PLXDC2: variants seen among roughly 807,000 people sequenced by gnomAD.
The protein encoded by PLXDC2 is plexin domain containing 2.
Under a neutral mutation model 68.9 loss-of-function variants are expected in PLXDC2, and 40 were observed. The observed-to-expected ratio is 0.58, with a 90% confidence interval of 0.45 to 0.76. The LOEUF is 0.76. Among genes scored for constraint, PLXDC2 ranks in the 30% least tolerant of loss-of-function variants. PLXDC2 has a pLI of 0.00. For missense variants in PLXDC2, 644 were observed against 661.9 expected, an observed-to-expected ratio of 0.97 and a Z score of 0.30; for synonymous variants, 243 against 234.2, an observed-to-expected ratio of 1.04 and a Z score of -0.34.
intron 12 of PLXDC2, among the ~76,000 whole-genome samples, chr10:20,227,702 C>A (rs765494131): frequency 2.0e-5 from 3 of 151,996 alleles, no homozygotes; most frequent in Non-Finnish European, 2.9e-5. Flanking sequence ...ATCTTGGGAA[C>A]CGTTTGTGTC....
At chr10:20,232,399 C>T (rs566855911) in intron 12 of PLXDC2, among the ~76,000 whole-genome samples, 23 of 152,166 alleles carry the variant, frequency 1.5e-4, no homozygotes, top group South Asian at 2.1e-4. Flanking sequence ...CACACACACA[C>T]GCACACACAG....
Position 20,028,045 on chromosome 10 carries a change from T to C in PLXDC2, c.325-18824T>C, listed in dbSNP as rs571498665. On this transcript the variant is annotated intron_variant, in intron 2 of 13. Transcript: ENST00000377252. ...GAAATTCTTACATTTTGATCACTCT[T>C]TAAGGATAAATTGAAATACTTTATA... Among the ~76,000 whole-genome samples, 15 of 152,350 alleles carry C rather than the reference T, an allele frequency of 9.8e-5. No homozygotes were observed. The South Asian group carries it at 3.1e-3, about 32-fold the overall frequency.
Position 19,974,922 on chromosome 10 carries a change from C to T in PLXDC2, c.113-26853C>T, listed in dbSNP as rs897439548. Among the ~76,000 whole-genome samples the T allele has an allele frequency of 3.9e-5, 6 of 152,242 alleles. No individual in the cohort carries two copies. The East Asian group carries it at 1.2e-3, about 29-fold the overall frequency. ...GACCCAGGAAAAGGTCATCTTCTGA[C>T]CTTCATAATGAAAATGAGTGTGTTA... On this transcript the variant is annotated intron_variant, in intron 1 of 13. Coordinates refer to ENST00000377252, the MANE Select transcript of PLXDC2 (RefSeq NM_032812.9).
rs143637235 is a variant in PLXDC2, at chr10:19,950,189, T to G, written c.113-51586T>G. On this transcript the variant is annotated intron_variant, in intron 1 of 13. Coordinates refer to ENST00000377252, the MANE Select transcript of PLXDC2 (RefSeq NM_032812.9). ...TGAGAAATCAGGCAAGAGAAAGAAA[T>G]AAAAGGCATCCAAGTAGAAAAAGAA... Among the ~76,000 whole-genome samples the G allele has an allele frequency of 8.2e-3, 1,249 of 152,200 alleles. 22 individuals are homozygous for G. The highest frequency in any genetic ancestry group is 0.029 in the African/African-American group (1,185 of 41,528).
chr10:19,947,802 A>G (rs12217898), intron 1 of PLXDC2, among the ~76,000 whole-genome samples: 66,871 of 149,140 alleles, frequency 0.45, 15,702 homozygotes, highest in South Asian at 0.59. Context: ...TACTGTCATG[A>G]CTAATATTAA....
intron 4 of PLXDC2, among the ~76,000 whole-genome samples, chr10:20,134,029 T>A (rs754879186): frequency 4.6e-5 from 7 of 152,242 alleles, no homozygotes; most frequent in Non-Finnish European, 7.3e-5. Flanking sequence ...AGTTAATGTT[T>A]TCTTCAGTTC....
chr10:20,030,820 C>A (rs1835490723), intron 2 of PLXDC2, among the ~76,000 whole-genome samples: 1 of 152,158 alleles, frequency 6.6e-6, no homozygotes, highest in African/African-American at 2.4e-5. Context: ...TGTTTGACCC[C>A]TTATCAGCCA....
chr10:20,027,751 T>C lies in PLXDC2; in HGVS notation c.325-19118T>C, dbSNP rs1835427915. 1.3e-5 allele frequency among the ~76,000 whole-genome samples: 2 copies of C among 150,022 alleles called. 1 individual carries two copies. The highest frequency in any genetic ancestry group is 3.0e-5 in the Non-Finnish European group (2 of 67,724). On this transcript the variant is annotated intron_variant, in intron 2 of 13. Transcript: ENST00000377252. ...AATCAATGCAGCAGAAACCACAATA[T>C]GAAGATTCCATATTTATATTTGGAA...
chr10:19,966,673 C>T (rs1834268888), intron 1 of PLXDC2, among the ~76,000 whole-genome samples: 1 of 152,052 alleles, frequency 6.6e-6, no homozygotes, highest in Non-Finnish European at 1.5e-5. Flanking sequence ...TTTTCCTTCC[C>T]TTCACCTTCC....
At chr10:20,181,618 G>A (rs998797234) in intron 9 of PLXDC2, among the ~76,000 whole-genome samples, 14 of 152,084 alleles carry the variant, frequency 9.2e-5, no homozygotes, top group Non-Finnish European at 1.5e-5. Context: ...AATGGCCCAC[G>A]CACTGGCCCT....
chr10:19,947,980 G>A (rs745865877), intron 1 of PLXDC2, among the ~76,000 whole-genome samples: 4 of 152,106 alleles, frequency 2.6e-5, no homozygotes, highest in African/African-American at 4.8e-5. Context: ...GATATTTTAT[G>A]TTTGAGACTG....
At chr10:19,880,554 T>C (rs1322143594) in intron 1 of PLXDC2, among the ~76,000 whole-genome samples, 1 of 152,346 alleles carries the variant, frequency 6.6e-6, no homozygotes, top group South Asian at 2.1e-4. Context: ...GGAGTTTGAA[T>C]GTGGGTAACT....
chr10:20,055,972 T>A (rs144032542), intron 3 of PLXDC2, among the ~76,000 whole-genome samples: 194 of 152,214 alleles, frequency 1.3e-3, no homozygotes, highest in African/African-American at 4.5e-3. Context: ...GTAATCATAG[T>A]TTAATTTGTT....
intron 4 of PLXDC2, among the ~76,000 whole-genome samples, chr10:20,115,590 C>T (rs774621894): frequency 3.3e-5 from 5 of 152,024 alleles, no homozygotes; most frequent in African/African-American, 4.8e-5. Flanking sequence ...CATACTTACC[C>T]GGGTAGAGTT....
At chr10:20,049,359 G>A (rs1835852857) in intron 3 of PLXDC2, among the ~76,000 whole-genome samples, 1 of 152,076 alleles carries the variant, frequency 6.6e-6, no homozygotes, top group Non-Finnish European at 1.5e-5. Context: ...GTGCTAGCCA[G>A]AGCAATCAAG....
At chr10:20,096,916 TA>T (rs550453646) in intron 4 of PLXDC2, among the ~76,000 whole-genome samples, 1 of 152,070 alleles carries the variant, frequency 6.6e-6, no homozygotes, top group African/African-American at 2.4e-5. Context: ...TTTCCTACAT[TA>T]AAAAAAGCGA....
intron 6 of PLXDC2, among the ~76,000 whole-genome samples, chr10:20,154,493 G>A (rs1371291158): frequency 2.0e-5 from 3 of 151,754 alleles, no homozygotes; most frequent in Non-Finnish European, 4.4e-5. Context: ...GAACCCGGGA[G>A]GCAGAAGTTG....
intron 3 of PLXDC2, among the ~76,000 whole-genome samples, chr10:20,060,593 T>A (rs1836084299): frequency 6.6e-6 from 1 of 151,708 alleles, no homozygotes; most frequent in South Asian, 2.1e-4. Flanking sequence ...GTGCAAAGGC[T>A]CAGCCCAGCT....
intron 4 of PLXDC2, among the ~76,000 whole-genome samples, chr10:20,112,517 G>A (rs1833572750): frequency 6.6e-6 from 1 of 152,164 alleles, no homozygotes; most frequent in Admixed American, 6.5e-5. Flanking sequence ...CTGCTTCAGT[G>A]AGACAGTATC....
Sources: gnomAD v4.1 joint callset for allele counts (sites outside exome capture counted in the v4.1 genomes callset) on GRCh38, gnomAD v4.1.1 for gene constraint, MANE v1.5 for transcripts, NCBI Gene and HGNC (gene_info 2026-07-23, HGNC 2026-07-21) for gene names.